The following PTPRD variants were observed in gnomAD, a reference collection of about 807,000 sequenced individuals.
PTPRD encodes protein tyrosine phosphatase receptor type D.
In PTPRD, 34 loss-of-function variants were observed where a neutral mutation model predicts 214.5. That is an observed-to-expected ratio of 0.16 (90% CI 0.12 to 0.21). The LOEUF is 0.21. Ranked by LOEUF, PTPRD falls within the 10% of genes least tolerant of loss-of-function variation. The probability of loss-of-function intolerance (pLI) is 1.00; values close to 1 mark genes in which losing one functional copy is unlikely to be tolerated. For missense variants in PTPRD, 2,545 were observed against 2,398.7 expected (o/e 1.06, Z -1.27); for synonymous variants, 1,128 against 845.7 (o/e 1.33, Z -5.79).
chr9:9,796,128 G>T (rs2099000944), intron 5 of PTPRD, among the ~76,000 whole-genome samples: 1 of 151,848 alleles, frequency 6.6e-6, no homozygotes, highest in Non-Finnish European at 1.5e-5. Context: ...CCAAACAGAG[G>T]CTGTATTTTT....
At chr9:8,620,967 G>C (rs2095802233) in intron 14 of PTPRD, among the ~76,000 whole-genome samples, 1 of 151,982 alleles carries the variant, frequency 6.6e-6, no homozygotes, top group Admixed American at 6.6e-5. Context: ...ATATTATTAA[G>C]TCTAAAGCTT....
chr9:8,443,943 T>A (rs191804210), intron 34 of PTPRD, among the ~76,000 whole-genome samples: 2 of 152,210 alleles, frequency 1.3e-5, no homozygotes, highest in Non-Finnish European at 2.9e-5. Context: ...AATAATATTA[T>A]GTTTATTTTC....
At chr9:9,018,361 T>TA (rs1388395489) in intron 11 of PTPRD, among the ~76,000 whole-genome samples, 1 of 152,190 alleles carries the variant, frequency 6.6e-6, no homozygotes, top group African/African-American at 2.4e-5. Context: ...GTATATCTTA[T>TA]AAAAATCATC....
chr9:9,286,452 C>G (rs1029442758), intron 9 of PTPRD, among the ~76,000 whole-genome samples: 3 of 151,788 alleles, frequency 2.0e-5, no homozygotes, highest in Non-Finnish European at 4.4e-5. Context: ...CTCTACAACC[C>G]TAATCTCCAA....
intron 7 of PTPRD, among the ~76,000 whole-genome samples, chr9:9,705,511 C>A (rs1303088075): frequency 1.3e-5 from 2 of 152,186 alleles, no homozygotes; most frequent in African/African-American, 4.8e-5. Context: ...GAGATCACTT[C>A]TACTATCTAA....
At chr9:9,975,516 C>T (rs1251440006) in intron 4 of PTPRD, among the ~76,000 whole-genome samples, 1 of 152,202 alleles carries the variant, frequency 6.6e-6, no homozygotes, top group Non-Finnish European at 1.5e-5. Flanking sequence ...CACTACATCA[C>T]CTGGAACTTA....
intron 5 of PTPRD, among the ~76,000 whole-genome samples, chr9:9,906,163 AG>A (rs1392604624): frequency 6.6e-6 from 1 of 151,992 alleles, no homozygotes; most frequent in Non-Finnish European, 1.5e-5. Context: ...AGAGAGTGTC[AG>A]GCTCTAGTAA....
intron 11 of PTPRD, among the ~76,000 whole-genome samples, chr9:8,780,603 C>T (rs181075327): frequency 0.013 from 2,052 of 152,128 alleles, 42 homozygotes; most frequent in Admixed American, 0.053. Flanking sequence ...GTGAGGTACC[C>T]GAAGCAACCC....
chr9:9,096,519 A>T (rs1486357836), intron 10 of PTPRD, among the ~76,000 whole-genome samples: 2 of 152,198 alleles, frequency 1.3e-5, no homozygotes, highest in African/African-American at 4.8e-5. Flanking sequence ...TTAGATGTTA[A>T]CCTGTAGAAA....
intron 9 of PTPRD, among the ~76,000 whole-genome samples, chr9:9,287,718 T>A (rs573303687): frequency 2.0e-5 from 3 of 152,002 alleles, no homozygotes; most frequent in African/African-American, 7.2e-5. Flanking sequence ...TTGAAACATA[T>A]CAGTTGAATA....
chr9:10,353,056 C>A (rs1056603232), intron 2 of PTPRD, among the ~76,000 whole-genome samples: 18 of 151,810 alleles, frequency 1.2e-4, no homozygotes, highest in African/African-American at 3.6e-4. Flanking sequence ...TTAACAAGTC[C>A]CTTAAAATTA....
At chr9:9,213,986 A>T (rs969439700) in intron 9 of PTPRD, among the ~76,000 whole-genome samples, 1 of 152,132 alleles carries the variant, frequency 6.6e-6, no homozygotes, top group Admixed American at 6.5e-5. Flanking sequence ...GGGCATGATA[A>T]TAAGAATGAT....
intron 9 of PTPRD, among the ~76,000 whole-genome samples, chr9:9,252,972 TA>T (rs1167796599): frequency 6.6e-6 from 1 of 152,080 alleles, no homozygotes; most frequent in Non-Finnish European, 1.5e-5. Flanking sequence ...ATAAGGACAT[TA>T]AACAAAAATA....
At chr9:9,758,017 T>A (rs1000196841) in intron 6 of PTPRD, among the ~76,000 whole-genome samples, 1 of 152,074 alleles carries the variant, frequency 6.6e-6, no homozygotes, top group African/African-American at 2.4e-5. Context: ...CACTGCCATA[T>A]CTGCCGGTGA....
At chr9:9,900,535 T>C (rs1397109507) in intron 5 of PTPRD, among the ~76,000 whole-genome samples, 2 of 152,186 alleles carry the variant, frequency 1.3e-5, no homozygotes, top group Non-Finnish European at 2.9e-5. Context: ...CGCAAGTCTC[T>C]AAGAAGTTCT....
At position 8,668,454 on chromosome 9, in the gene PTPRD, G is replaced by C. The variant is rs995830553; in HGVS notation, c.65-31610C>G. Among the ~76,000 whole-genome samples, 10 of 152,140 alleles carry C rather than the reference G, an allele frequency of 6.6e-5. No homozygotes were observed. The East Asian group carries it at 1.9e-3, about 29-fold the overall frequency. ...GTTTTCCATGTGCTTCCTCTTTCAG[G>C]CAACTGCAAGATTAAGCCAAACTGT... On this transcript the variant is annotated intron_variant, in intron 12 of 45. Transcript: ENST00000381196.
chr9:9,855,336 A>T (rs1003373436), intron 5 of PTPRD, among the ~76,000 whole-genome samples: 11 of 152,164 alleles, frequency 7.2e-5, no homozygotes, highest in African/African-American at 2.7e-4. Context: ...CCCCAGCTGA[A>T]CTTCACAGGA....
intron 7 of PTPRD, among the ~76,000 whole-genome samples, chr9:9,604,300 A>G (rs1563998818): frequency 6.6e-6 from 1 of 152,126 alleles, no homozygotes; most frequent in East Asian, 1.9e-4. Flanking sequence ...TGACAGGCAC[A>G]ACCTTGAAAA....
chr9:9,159,060 C>A (rs1166505378), intron 10 of PTPRD, among the ~76,000 whole-genome samples: 1 of 152,136 alleles, frequency 6.6e-6, no homozygotes, highest in African/African-American at 2.4e-5. Context: ...TGTATCTCAA[C>A]ACAATAAAGG....
Sources: gnomAD v4.1 joint callset for allele counts (sites outside exome capture counted in the v4.1 genomes callset) on GRCh38, gnomAD v4.1.1 for gene constraint, MANE v1.5 for transcripts, NCBI Gene and HGNC (gene_info 2026-07-23, HGNC 2026-07-21) for gene names.